TTLL6: variants seen among roughly 807,000 people sequenced by gnomAD.
TTLL6 encodes the protein tubulin tyrosine ligase like 6, also known as tubulin polyglutamylase TTLL6.
TTLL6 carries 75 observed loss-of-function variants against 96.4 expected under a neutral mutation model. The observed-to-expected ratio is 0.78, with a 90% CI of 0.65 to 0.94. TTLL6 has a LOEUF of 0.94. Ranked by LOEUF, TTLL6 falls within the 40% of genes least tolerant of loss-of-function variation. The pLI is 0.00. For missense variants in TTLL6, 1,030 were observed against 1,093.0 expected, an observed-to-expected ratio of 0.94 and a Z score of 0.81; for synonymous variants, 411 against 419.4, an observed-to-expected ratio of 0.98 and a Z score of 0.24.
chr17:48,799,607 T>C lies in TTLL6; in HGVS notation c.765A>G (p.Ser255=), dbSNP rs557364958. The C allele has an allele frequency of 1.3e-5, 20 of 1,551,734 alleles. No individual in the cohort carries two copies. The East Asian group carries it at 4.9e-4, about 38-fold the overall frequency. The part of the protein sequence containing the change: ...GEDMICQLYI[S]KPFIIDGFKF... ...AATAATCACAATGAGGAAGTACCTT[T>C]GAAATATACAGCTGACAGATCATAT... Residue 255 remains serine (S), a synonymous_variant, in exon 6 of 16, where the codon TCA becomes TCG. Coordinates refer to ENST00000393382, the MANE Select transcript of TTLL6 (RefSeq NM_001130918.3).
At chr17:48,791,663 G>T in intron 8 of TTLL6, 60 bp from the exon 9 acceptor site, 2 of 1,425,824 alleles carry the variant, frequency 1.4e-6, no homozygotes, top group Non-Finnish European at 1.9e-6. Flanking sequence ...CCGAGGCCAT[G>T]GCATGCTGGA....
rs2038698090 is a variant in TTLL6, at chr17:48,769,808, A to G, written c.2330T>C (p.Leu777Pro). The change falls in exon 14 of 16, where the codon CTC (leucine) becomes CCC (proline). Residue 777 changes from leucine to proline, a missense_variant. Coordinates refer to ENST00000393382, the MANE Select transcript of TTLL6 (RefSeq NM_001130918.3). ...MNKPHLISEL[L>P]TKLQLSGKLS... ...CTTCCCACTCAGTTGAAGCTTGGTGAGTAGCTCGGATATCAAATGTGGCTT... is the reference window on the plus strand; with the variant it reads ...CTTCCCACTCAGTTGAAGCTTGGTGGGTAGCTCGGATATCAAATGTGGCTT... The G allele has an allele frequency of 6.2e-7, 1 of 1,614,250 alleles. No individual in the cohort carries two copies.
At chr17:48,770,227 C>T in intron 13 of TTLL6, 130 bp from the exon 14 acceptor site, 1 of 1,297,808 alleles carries the variant, frequency 7.7e-7, no homozygotes, top group Non-Finnish European at 1.0e-6. Flanking sequence ...AAATTGGGCT[C>T]AAGTGATGCT....
chr17:48,804,058 G>A (rs2039467410), intron 2 of TTLL6, 130 bp from the exon 3 acceptor site: 3 of 1,048,370 alleles, frequency 2.9e-6, no homozygotes, highest in Non-Finnish European at 4.2e-6. Context: ...AGCCTGGTTT[G>A]ACCGTCCCTG....
intron 13 of TTLL6, among the ~76,000 whole-genome samples, chr17:48,777,689 C>G (rs1217490567): frequency 6.6e-6 from 1 of 151,616 alleles, no homozygotes; most frequent in African/African-American, 2.4e-5. Flanking sequence ...TGAGGTCGTG[C>G]CATTGCACTC....
At position 48,801,558 on chromosome 17, in the gene TTLL6, T is replaced by C. The variant is rs2039414370; in HGVS notation, c.447A>G (p.Ser149=). The C allele has an allele frequency of 6.4e-7, 1 of 1,551,838 alleles. No individual in the cohort carries two copies. The highest frequency in any genetic ancestry group is 1.2e-5 in the South Asian group (1 of 84,064). ...WTLYWTDYSV[S]LERVMEMKSY... ...TTTTCATTTCCATCACCCGCTCCAG[T>C]GACACTGAGTAATCTGTCCAATAGA... Residue 149 remains serine, a synonymous_variant, in exon 4 of 16, where the codon TCA becomes TCG. Coordinates refer to ENST00000393382, the MANE Select transcript of TTLL6 (RefSeq NM_001130918.3).
chr17:48,769,349 T>G, intron 14 of TTLL6, 95 bp from the exon 15 acceptor site: 1 of 1,406,374 alleles, frequency 7.1e-7, no homozygotes, highest in East Asian at 2.3e-5. Context: ...TCCCATGGCC[T>G]GTAACTGCCA....
At chr17:48,771,829 C>A (rs1365644933) in intron 13 of TTLL6, among the ~76,000 whole-genome samples, 1 of 151,952 alleles carries the variant, frequency 6.6e-6, no homozygotes, top group Non-Finnish European at 1.5e-5. Flanking sequence ...AATCCCAGAA[C>A]TTTGGGAGGA....
At chr17:48,793,508 G>T (rs538711216) in intron 8 of TTLL6, among the ~76,000 whole-genome samples, 68 of 151,730 alleles carry the variant, frequency 4.5e-4, no homozygotes, top group African/African-American at 1.6e-3. Flanking sequence ...CAAGAGAATC[G>T]CTTGAATCCG....
rs143319187 is a variant in TTLL6 at position 48,769,020 on chromosome 17, A to G, written c.2645T>C (p.Ile882Thr). 5.0e-6 allele frequency: 8 copies of G among 1,613,998 alleles called. No homozygotes were observed. In the African/African-American group the frequency reaches 9.3e-5, roughly 19 times the overall value. ...QDQEAYSHCL[I>T]SGQKGCERS Reference sequence around the variant, plus strand: ...CCTCTCACATCCTTTTTGGCCAGAGATCAGGCAATGGCTGTATGCTTCTTG... The same window carrying G: ...CCTCTCACATCCTTTTTGGCCAGAGGTCAGGCAATGGCTGTATGCTTCTTG... Residue 882 changes from isoleucine to threonine, a missense_variant, in exon 15 of 16, where the codon ATC (isoleucine) becomes ACC (threonine). Transcript: ENST00000393382.
intron 1 of TTLL6, among the ~76,000 whole-genome samples, chr17:48,808,862 C>T (rs1450483639): frequency 2.6e-5 from 4 of 152,218 alleles, no homozygotes; most frequent in East Asian, 1.9e-4. Context: ...TAAGCCACCA[C>T]GCCTGGCCCA....
chr17:48,802,076 GAAAAAGAA>G (rs2039428675), intron 3 of TTLL6, among the ~76,000 whole-genome samples: 1 of 62,130 alleles, frequency 1.6e-5, no homozygotes, highest in Non-Finnish European at 3.7e-5. Flanking sequence ...AAGAAAGAAA[GAAAAAGAA>G]AGAAAGAAAG....
intron 13 of TTLL6, among the ~76,000 whole-genome samples, chr17:48,780,087 GA>G (rs371091415): frequency 5.5e-5 from 8 of 145,828 alleles, no homozygotes; most frequent in Admixed American, 2.0e-4. Context: ...ATAGGGCTCA[GA>G]AAAAAAAAAG....
chr17:48,790,710 G>C (rs1403625716), intron 9 of TTLL6, among the ~76,000 whole-genome samples: 1 of 152,208 alleles, frequency 6.6e-6, no homozygotes, highest in African/African-American at 2.4e-5. Flanking sequence ...AATGGAAGAA[G>C]GGCAAAGCTG....
chr17:48,794,384 CT>C, intron 8 of TTLL6: 3 of 1,496,630 alleles, frequency 2.0e-6, no homozygotes, highest in Non-Finnish European at 2.7e-6. Flanking sequence ...TCATTTGAAC[CT>C]CACAGAGACC....
intron 3 of TTLL6, among the ~76,000 whole-genome samples, chr17:48,802,142 GAAA>G (rs1567733775): frequency 2.1e-4 from 24 of 113,240 alleles, no homozygotes; most frequent in African/African-American, 6.4e-4. Flanking sequence ...AAGAAAGAAA[GAAA>G]GAAAGAAAAT....
Position 48,786,175 on chromosome 17 carries a change from C to T in TTLL6, c.1750G>A (p.Ala584Thr). Residue 584 changes from alanine (A) to threonine (T), a missense_variant, in exon 12 of 16, where the codon GCC (alanine) becomes ACC (threonine). Coordinates refer to ENST00000393382, the MANE Select transcript of TTLL6 (RefSeq NM_001130918.3). ...CAATCCAGGTTTACCTGTTTGGAGG[C>T]TTGGGTGGCGGCCTTGTCTTTCTGC... ...QQQKDKAATQ[A>T]SKQYIQPLTL... is the part of the protein sequence containing the mutation. 6 of 1,614,234 alleles carry T rather than the reference C, an allele frequency of 3.7e-6. No individual in the cohort carries two copies. The highest frequency in any genetic ancestry group is 1.6e-4 in the Middle Eastern group (1 of 6,062).
At chr17:48,766,205 G>A (rs6504567) in intron 15 of TTLL6, among the ~76,000 whole-genome samples, 40,899 of 152,018 alleles carry the variant, frequency 0.27, 6,271 homozygotes, top group East Asian at 0.72. Context: ...GGAGCTTGGG[G>A]GTGGGGAGAG....
chr17:48,786,084 G>T, intron 12 of TTLL6, 80 bp downstream of exon 12: 1 of 1,577,584 alleles, frequency 6.3e-7, no homozygotes, highest in East Asian at 2.2e-5. Flanking sequence ...CTGAGCAGTG[G>T]TCTCCTCAGC....
Sources: allele counts gnomAD v4.1 joint callset (sites outside exome capture counted in the v4.1 genomes callset), GRCh38; gene constraint gnomAD v4.1.1; transcripts MANE v1.5; gene names NCBI Gene and HGNC (gene_info 2026-07-23, HGNC 2026-07-21).